Variants in POFUT1 observed in about 807,000 individuals in gnomAD.
POFUT1 encodes protein O-fucosyltransferase 1.
In POFUT1, 16 loss-of-function variants were observed where a neutral mutation model predicts 42.4. That is an observed-to-expected ratio of 0.38 (90% CI 0.26 to 0.57). The LOEUF (loss-of-function observed/expected upper bound fraction) is 0.57. Ranked by LOEUF, POFUT1 falls within the 20% of genes least tolerant of loss-of-function variation. POFUT1 has a pLI of 0.71. For missense variants in POFUT1, 470 were observed against 504.6 expected (o/e 0.93, Z 0.66); for synonymous variants, 206 against 205.4 (o/e 1.00, Z -0.03).
intron 4 of POFUT1, among the ~76,000 whole-genome samples, chr20:32,222,144 C>CA (rs2047394024): frequency 6.6e-6 from 1 of 151,426 alleles, no homozygotes; most frequent in Non-Finnish European, 1.5e-5. Context: ...CCAAAAATAC[C>CA]AAAAAAAATT....
intron 4 of POFUT1, among the ~76,000 whole-genome samples, chr20:32,227,353 C>CA (rs922309582): frequency 4.6e-5 from 7 of 151,654 alleles, no homozygotes; most frequent in East Asian, 1.9e-4. Flanking sequence ...CCCGTCTCTA[C>CA]AAAAAAAATG....
At chr20:32,226,397 T>C (rs1267096053) in intron 4 of POFUT1, among the ~76,000 whole-genome samples, 1 of 152,126 alleles carries the variant, frequency 6.6e-6, no homozygotes, top group African/African-American at 2.4e-5. Flanking sequence ...ATTGATACAA[T>C]TTACCCATCT....
chr20:32,225,109 A>G (rs1246487852), intron 4 of POFUT1, among the ~76,000 whole-genome samples: 2 of 152,248 alleles, frequency 1.3e-5, no homozygotes, highest in African/African-American at 4.8e-5. Context: ...GCTTGGCTGT[A>G]CTATTCATTT....
intron 4 of POFUT1, among the ~76,000 whole-genome samples, chr20:32,225,388 C>T (rs1325257938): frequency 2.0e-5 from 3 of 151,970 alleles, no homozygotes; most frequent in African/African-American, 7.3e-5. Context: ...GGGGTTTCGC[C>T]GTGTTAGCCA....
At position 32,236,335 on chromosome 20, in the gene POFUT1, C is replaced by T. The variant is rs149031311; in HGVS notation, c.*1674C>T. 38 of 152,308 alleles carry T rather than the reference C, an allele frequency of 2.5e-4. No homozygotes were observed. In the East Asian group the frequency reaches 6.2e-3, roughly 25 times the overall value. 9.4% of individuals were successfully genotyped at this position (152,308 alleles called of 1,614,324 possible). ...TAGAGTCTGGGGCTCCAGTGGGGCC[C>T]GCCTAATTTTTTTTCCCCCCAAGAC... On this transcript the variant is annotated 3_prime_UTR_variant, in exon 7 of 7. Coordinates refer to ENST00000375749, the MANE Select transcript of POFUT1 (RefSeq NM_015352.2).
At chr20:32,224,212 C>T (rs1033716539) in intron 4 of POFUT1, among the ~76,000 whole-genome samples, 9 of 151,920 alleles carry the variant, frequency 5.9e-5, no homozygotes, top group African/African-American at 1.9e-4. Flanking sequence ...GGCAACATGG[C>T]GAAAACCCGT....
At position 32,230,931 on chromosome 20, in the gene POFUT1, G is replaced by T; in HGVS notation, c.848G>T (p.Cys283Phe). 6.2e-7 allele frequency: 1 copy of T among 1,614,226 alleles called. No homozygotes were observed. The highest frequency in any genetic ancestry group is 8.5e-7 in the Non-Finnish European group (1 of 1,180,042). The change falls in exon 6 of 7, where the codon TGC becomes TTC. Residue 283 changes from cysteine (C) to phenylalanine (F), a missense_variant. Transcript: ENST00000375749. ...STAAPLTMTMCLPDLKEIQRA... is the reference protein window; with the variant it reads ...STAAPLTMTMFLPDLKEIQRA... The stretch of plus-strand genomic sequence containing the variant: ...GCGGCCCCCCTCACGATGACTATGT[G>T]CCTGCCTGACCTGAAGGAGATCCAG...
At chr20:32,214,121 A>T (rs1057072546) in intron 2 of POFUT1, among the ~76,000 whole-genome samples, 51 of 148,148 alleles carry the variant, frequency 3.4e-4, no homozygotes, top group Non-Finnish European at 5.3e-4. Flanking sequence ...AAGGTACATT[A>T]AAAAAAAAAA....
intron 5 of POFUT1, among the ~76,000 whole-genome samples, chr20:32,230,592 G>A (rs2047437727): frequency 6.6e-6 from 1 of 151,658 alleles, no homozygotes; most frequent in African/African-American, 2.4e-5. Context: ...CTACTCGGGA[G>A]GCTGAGGCAG....
chr20:32,234,514 C>A lies in POFUT1; in HGVS notation c.1020C>A (p.Asp340Glu). ...TGAAGCCTGAGGTGGCCCAGGTCGA[C>A]CTGTACATCCTCGGCCAAGCCGACC... is the stretch of plus-strand genomic sequence containing the variant. ...VSLKPEVAQV[D>E]LYILGQADHF... Residue 340 changes from aspartate (D) to glutamate (E), a missense_variant, in exon 7 of 7, where the codon GAC (aspartate) becomes GAA (glutamate). Coordinates refer to ENST00000375749, the MANE Select transcript of POFUT1 (RefSeq NM_015352.2). 6.2e-7 allele frequency: 1 copy of A among 1,613,478 alleles called. No individual in the cohort carries two copies. The highest frequency in any genetic ancestry group is 8.5e-7 in the Non-Finnish European group (1 of 1,179,606).
intron 3 of POFUT1, 104 bp downstream of exon 3, chr20:32,215,555 G>C: frequency 5.1e-6 from 5 of 982,724 alleles, no homozygotes; most frequent in Non-Finnish European, 6.0e-6. Flanking sequence ...GAAGGACTTA[G>C]AATAGAAAGA....
chr20:32,223,358 C>A, intron 4 of POFUT1: 1 of 985,388 alleles, frequency 1.0e-6, no homozygotes, highest in Non-Finnish European at 1.2e-6. Flanking sequence ...TCAGCCTTAG[C>A]CTCTTGCTGC....
intron 4 of POFUT1, among the ~76,000 whole-genome samples, chr20:32,222,160 G>A (rs930790817): frequency 2.6e-5 from 4 of 152,086 alleles, no homozygotes; most frequent in Admixed American, 1.3e-4. Flanking sequence ...AAATTTAGCC[G>A]TGCATGGTGG....
At chr20:32,227,722 A>G (rs2047421928) in intron 4 of POFUT1, among the ~76,000 whole-genome samples, 1 of 152,210 alleles carries the variant, frequency 6.6e-6, no homozygotes, top group Non-Finnish European at 1.5e-5. Context: ...GCTCCCTTCC[A>G]TAGCGCAGGG....
intron 4 of POFUT1, 85 bp from the exon 5 acceptor site, chr20:32,228,178 G>C: frequency 8.6e-7 from 1 of 1,168,268 alleles, no homozygotes; most frequent in Non-Finnish European, 1.2e-6. Context: ...CTGGGGCATG[G>C]TGCAACACCA....
At chr20:32,231,241 C>A in intron 6 of POFUT1, 180 bp downstream of exon 6, 1 of 638,190 alleles carries the variant, frequency 1.6e-6, no homozygotes, top group Non-Finnish European at 2.7e-6. Context: ...CGTAGTCTTT[C>A]CAGGTTTTCA....
At chr20:32,217,793 T>C (rs2047370457) in intron 4 of POFUT1, 13 of 959,220 alleles carry the variant, frequency 1.4e-5, no homozygotes, top group Non-Finnish European at 1.6e-5. Context: ...GGTATTATTA[T>C]CAATTTCCAT....
At chr20:32,217,281 T>TA in intron 4 of POFUT1, 5 of 1,371,318 alleles carry the variant, frequency 3.6e-6, no homozygotes, top group Non-Finnish European at 4.7e-6. Flanking sequence ...TGACCAGCTC[T>TA]GGTTTTCTAG....
rs1179457759 is a variant in POFUT1, at chr20:32,228,374, G to C, written c.654G>C (p.Met218Ile). Residue 218 changes from methionine to isoleucine, a missense_variant, in exon 5 of 7, where the codon ATG becomes ATC. Met to Ile is a conservative substitution (Grantham distance 10). Transcript: ENST00000375749. ...LQKYMVWSDE[M>I]VKTGEAQIHA... is the part of the protein sequence containing the mutation. Reference sequence around the variant, plus strand: ...AGTACATGGTATGGTCAGACGAAATGGTGAAGACGGGAGAGGCCCAGATTC... The same window carrying C: ...AGTACATGGTATGGTCAGACGAAATCGTGAAGACGGGAGAGGCCCAGATTC... 1.2e-6 allele frequency: 2 copies of C among 1,614,116 alleles called. No individual in the cohort carries two copies. The highest frequency in any genetic ancestry group is 4.5e-5 in the East Asian group (2 of 44,902).
Sources: gnomAD v4.1 joint callset for allele counts (sites outside exome capture counted in the v4.1 genomes callset) on GRCh38, gnomAD v4.1.1 for gene constraint, MANE v1.5 for transcripts, NCBI Gene and HGNC (gene_info 2026-07-23, HGNC 2026-07-21) for gene names.